Variants in KLHL30 observed in about 807,000 individuals in gnomAD.
KLHL30 encodes the protein kelch like family member 30.
Under a neutral mutation model 55.0 loss-of-function variants are expected in KLHL30, and 55 were observed. The observed-to-expected ratio is 1.00, with a 90% CI of 0.80 to 1.25. The LOEUF (loss-of-function observed/expected upper bound fraction) is 1.25. Ranked by LOEUF, KLHL30 falls within the 50% of genes most tolerant of loss-of-function variation. The probability of loss-of-function intolerance (pLI) is 0.00; values close to 1 mark genes in which losing one functional copy is unlikely to be tolerated. For missense variants in KLHL30, 786 were observed against 811.6 expected, an observed-to-expected ratio of 0.97 and a Z score of 0.38; for synonymous variants, 356 against 372.6, an observed-to-expected ratio of 0.96 and a Z score of 0.51.
At chr2:238,145,017 T>C (rs1033364340) in intron 4 of KLHL30, 29 bp downstream of exon 4, 1 of 1,558,060 alleles carries the variant, frequency 6.4e-7, no homozygotes, top group Admixed American at 1.9e-5. Context: ...CTTCCAGAGA[T>C]GCCCTGCCCA....
rs928733333 is a variant in KLHL30, at chr2:238,151,774, G to A, written c.*709G>A. 7.1e-5 allele frequency: 41 copies of A among 580,914 alleles called. No individual in the cohort carries two copies. Among genetic ancestry groups the A allele is most frequent in the African/African-American group, 6.9e-4 (34 of 49,322 alleles). The allele number at this position is 580,914 out of a possible 1,614,324, so 36.0% of individuals were successfully genotyped here. On this transcript the variant is annotated 3_prime_UTR_variant, in exon 8 of 8. Transcript: ENST00000409223. The stretch of plus-strand genomic sequence containing the variant: ...GAAGGAGGGAGGCAGGGCGTGGGGC[G>A]GGGCTGGAGGGTCCCAGGGAGGTGA...
rs1254615763 is a variant in KLHL30 at position 238,147,743 on chromosome 2, C to T, written c.1151-91C>T. 2.5e-6 allele frequency: 2 copies of T among 789,906 alleles called. No homozygotes were observed. Among genetic ancestry groups the T allele is most frequent in the Non-Finnish European group, 3.6e-6 (2 of 552,446 alleles). 48.9% of individuals were successfully genotyped at this position (789,906 alleles called of 1,614,324 possible). On this transcript the variant is annotated intron_variant, in intron 5 of 7. Coordinates refer to ENST00000409223, the MANE Select transcript of KLHL30 (RefSeq NM_198582.4). The surrounding 1 kb of genome is among the most constrained non-coding windows in gnomAD (Gnocchi z 5.8). ...ATGGGGAGCCCACCCCACCTCCCACCACTTTGCTGCCTTACAAAGCCCCAG... is the reference window on the plus strand; with the variant it reads ...ATGGGGAGCCCACCCCACCTCCCACTACTTTGCTGCCTTACAAAGCCCCAG...
Position 238,140,927 on chromosome 2 carries a change from T to C in KLHL30, c.173T>C (p.Phe58Ser). The change falls in exon 2 of 8, where the codon TTC (phenylalanine) becomes TCC (serine). Residue 58 changes from phenylalanine to serine, a missense_variant. Phe to Ser is a radical substitution (Grantham distance 155). Coordinates refer to ENST00000409223, the MANE Select transcript of KLHL30 (RefSeq NM_198582.4). ...CTCCTGGCGCTCAGCAGCCCCTACT[T>C]CCATGCCATGTTTGCGGGTGACTTC... ...RGLLALSSPYFHAMFAGDFAE... is the reference protein window; with the variant it reads ...RGLLALSSPYSHAMFAGDFAE... 1.2e-6 allele frequency: 2 copies of C among 1,611,220 alleles called. No homozygotes were observed. The highest frequency in any genetic ancestry group is 1.7e-6 in the Non-Finnish European group (2 of 1,178,716).
intron 1 of KLHL30, among the ~76,000 whole-genome samples, chr2:238,139,133 C>T (rs1026277683): frequency 1.3e-5 from 2 of 152,190 alleles, no homozygotes; most frequent in Admixed American, 6.5e-5. Context: ...CAGGAAGCCC[C>T]GACCCATGCA....
Position 238,141,381 on chromosome 2 carries a change from G to A in KLHL30, c.627G>A (p.Gln209=). 1 of 1,594,372 alleles carries A rather than the reference G, an allele frequency of 6.3e-7. No individual in the cohort carries two copies. ...ALMRWVRHDP[Q]ARAAHLPELL... is the part of the protein sequence containing the mutation. ...TGCGCTGGGTGCGCCATGACCCGCA[G>A]GCCCGGGCCGCCCACCTGCCCGAGC... Residue 209 remains glutamine, a synonymous_variant, in exon 2 of 8, where the codon CAG becomes CAA. Coordinates refer to ENST00000409223, the MANE Select transcript of KLHL30 (RefSeq NM_198582.4).
In KLHL30 at chr2:238,140,691, G is replaced by A. The variant is rs537276797; in HGVS notation, c.-64G>A. The A allele has an allele frequency of 1.1e-5, 16 of 1,440,968 alleles. No homozygotes were observed. The African/African-American group carries it at 1.1e-4, about 10-fold the overall frequency. 89.3% of individuals were successfully genotyped at this position (1,440,968 alleles called of 1,614,324 possible). On this transcript the variant is annotated 5_prime_UTR_variant, in exon 2 of 8. Transcript: ENST00000409223. ...CTGCTCTCTTCTCTCCTAGGAGCTC[G>A]GGCGGCTCCAGGCACTTCTTCCCTT...
rs1033989994 is a variant in KLHL30, at chr2:238,147,984, A to C, written c.1301A>C (p.Tyr434Ser). ...LYLVGSSACK[Y>S]NALALQCYNP... ...CTGGTGGGCTCCAGCGCCTGCAAGT[A>C]CAACGCCCTGGCCCTGCAGTGCTAC... The change falls in exon 6 of 8, where the codon TAC (tyrosine) becomes TCC (serine). Residue 434 changes from tyrosine to serine, a missense_variant. Physicochemically the swap from Tyr to Ser is moderately radical, Grantham distance 144. Transcript: ENST00000409223. This position sits in a 1 kb window ranked among gnomAD's most constrained non-coding sequence, Gnocchi z 5.8. The C allele has an allele frequency of 9.1e-6, 14 of 1,546,300 alleles. No homozygotes were observed. The highest frequency in any genetic ancestry group is 1.4e-5 in the African/African-American group (1 of 72,838).
chr2:238,144,761 C>A, intron 3 of KLHL30, 141 bp from the exon 4 acceptor site: 1 of 688,340 alleles, frequency 1.5e-6, no homozygotes, highest in South Asian at 1.7e-5. Context: ...GTACCAGTGT[C>A]ACCCTGCCCC....
chr2:238,144,946 G>T lies in KLHL30; in HGVS notation c.952G>T (p.Gly318Cys), dbSNP rs1224248272. The T allele has an allele frequency of 1.2e-6, 2 of 1,611,468 alleles. No homozygotes were observed. The highest frequency in any genetic ancestry group is 8.5e-7 in the Non-Finnish European group (1 of 1,178,972). The change falls in exon 4 of 8, where the codon GGT (glycine) becomes TGT (cysteine). Residue 318 changes from glycine to cysteine, a missense_variant. By Grantham distance (159) the Gly-to-Cys change is radical. Transcript: ENST00000409223. ...AGACTTCCCCGACTATCACAAGTGG[G>T]GTTTCTCCCTGGCGGCCCTGAACAA... ...LPDFPDYHKW[G>C]FSLAALNNNI...
In KLHL30 at chr2:238,151,959, G is replaced by GC; in HGVS notation, c.*897dup. 1 of 985,516 alleles carries GC rather than the reference G, an allele frequency of 1.0e-6. No individual in the cohort carries two copies. The highest frequency in any genetic ancestry group is 4.7e-5 in the South Asian group (1 of 21,294). 61.0% of individuals were successfully genotyped at this position (985,516 alleles called of 1,614,324 possible). A position where few individuals can be genotyped will look rare whatever the true frequency, so the allele number is the denominator to read the frequency against. On this transcript the variant is annotated 3_prime_UTR_variant, in exon 8 of 8. Coordinates refer to ENST00000409223, the MANE Select transcript of KLHL30 (RefSeq NM_198582.4). ...TCCGATGGGCCCCTGCCAGCATGCA[G>GC]CCCGACTCCGGCTGGCTCAGGCTCC... is the stretch of plus-strand genomic sequence containing the variant.
At chr2:238,148,857 G>C (rs1692696057) in intron 6 of KLHL30, 150 bp from the exon 7 acceptor site, 1 of 733,112 alleles carries the variant, frequency 1.4e-6, no homozygotes, top group Admixed American at 2.4e-5. Context: ...GTCCCTCCCA[G>C]CTGCACCGCA....
intron 6 of KLHL30, among the ~76,000 whole-genome samples, chr2:238,148,426 A>G (rs7594418): frequency 0.83 from 126,055 of 152,208 alleles, 52,681 homozygotes; most frequent in African/African-American, 0.95. Flanking sequence ...CTCGAGGCCC[A>G]TCTTGGGCTC....
intron 2 of KLHL30, among the ~76,000 whole-genome samples, chr2:238,142,562 G>A (rs1378541516): frequency 6.6e-6 from 1 of 152,210 alleles, no homozygotes; most frequent in Non-Finnish European, 1.5e-5. Flanking sequence ...AGAAGCTTAT[G>A]CGTGGCGCTG....
In KLHL30 at chr2:238,151,823, TGCCTCC is replaced by T; in HGVS notation, c.*760_*765del. 1 of 955,080 alleles carries T rather than the reference TGCCTCC, an allele frequency of 1.0e-6. No individual in the cohort carries two copies. Among genetic ancestry groups the T allele is most frequent in the Non-Finnish European group, 1.2e-6 (1 of 802,168 alleles). 59.2% of individuals were successfully genotyped at this position (955,080 alleles called of 1,614,324 possible). On this transcript the variant is annotated 3_prime_UTR_variant, in exon 8 of 8. Transcript: ENST00000409223. Reference sequence around the variant, plus strand: ...GAGCAGTTTTGCTCTCAGAAGGGATTGCCTCCGTCTCTGTGTGTCAGAACAAAGGCT... The same window carrying T: ...GAGCAGTTTTGCTCTCAGAAGGGATTGTCTCTGTGTGTCAGAACAAAGGCT...
intron 3 of KLHL30, among the ~76,000 whole-genome samples, chr2:238,143,609 G>A (rs1468602051): frequency 1.3e-5 from 2 of 152,256 alleles, no homozygotes; most frequent in African/African-American, 4.8e-5. Context: ...GGAAAGGGCT[G>A]ATGCAGGCTG....
At chr2:238,139,431 C>T (rs1692489930) in intron 1 of KLHL30, among the ~76,000 whole-genome samples, 2 of 152,302 alleles carry the variant, frequency 1.3e-5, no homozygotes, top group East Asian at 1.9e-4. Flanking sequence ...GTGGGTACTT[C>T]GTGTACCGGC....
chr2:238,148,061 GCCCCTC>G, intron 6 of KLHL30, 39 bp downstream of exon 6: 2 of 1,344,386 alleles, frequency 1.5e-6, no homozygotes, highest in Non-Finnish European at 1.9e-6. Flanking sequence ...AGGACCACAG[GCCCCTC>G]TGACAGGCGA....
At chr2:238,148,298 G>C (rs78107522) in intron 6 of KLHL30, among the ~76,000 whole-genome samples, 3,441 of 152,172 alleles carry the variant, frequency 0.023, 125 homozygotes, top group African/African-American at 0.079. Flanking sequence ...CAGTGGGCTG[G>C]GGCTGGGGGT....
chr2:238,142,734 C>T (rs1692564393), intron 2 of KLHL30, 65 bp from the exon 3 acceptor site: 3 of 1,331,566 alleles, frequency 2.3e-6, no homozygotes, highest in East Asian at 3.1e-5. Flanking sequence ...CTGCCCAGGA[C>T]ACGCGGGGGC....
Sources: gnomAD v4.1 joint callset for allele counts (sites outside exome capture counted in the v4.1 genomes callset) on GRCh38, gnomAD v4.1.1 for gene constraint, Gnocchi (gnomAD v3.1) non-coding constraint, MANE v1.5 for transcripts, NCBI Gene and HGNC (gene_info 2026-07-23, HGNC 2026-07-21) for gene names.